KIF13A: variants seen among roughly 807,000 people sequenced by gnomAD.
KIF13A encodes the protein kinesin family member 13A.
In KIF13A, 79 loss-of-function variants were observed where a neutral mutation model predicts 212.2. The ratio of observed to expected loss-of-function variants is 0.37; its 90% CI spans 0.31 to 0.45. The LOEUF is 0.45. Ranked by LOEUF, KIF13A falls within the 20% of genes least tolerant of loss-of-function variation. KIF13A has a pLI of 1.00. For synonymous variants in KIF13A, 789 were observed against 808.6 expected (o/e 0.98, Z 0.41); for missense variants, 1,901 against 2,209.0 (o/e 0.86, Z 2.79).
intron 25 of KIF13A, among the ~76,000 whole-genome samples, chr6:17,790,226 G>A (rs2150318258): frequency 6.6e-6 from 1 of 152,148 alleles, no homozygotes; most frequent in East Asian, 1.9e-4. Context: ...ACAATAGCAA[G>A]ACCCCATCTG....
intron 2 of KIF13A, among the ~76,000 whole-genome samples, chr6:17,954,081 C>T (rs758719812): frequency 6.6e-6 from 1 of 152,008 alleles, no homozygotes; most frequent in African/African-American, 2.4e-5. Context: ...AGGCAGATCA[C>T]GAGGTCAGGA....
At chr6:17,804,227 G>A (rs758950249) in intron 20 of KIF13A, 134 bp downstream of exon 20, 7 of 636,618 alleles carry the variant, frequency 1.1e-5, no homozygotes, top group South Asian at 3.2e-5. Context: ...AGAGAAAAAA[G>A]AATGCAGACC....
rs554678825 is a variant in KIF13A, at chr6:17,961,314, G to A, written c.146+25740C>T. The stretch of plus-strand genomic sequence containing the variant: ...CCTGGAAAGGAGCTGGGATTCCAAA[G>A]GTGGAAGGTAGCAACTGATGTGGGA... On this transcript the variant is annotated intron_variant, in intron 2 of 38. Coordinates refer to ENST00000259711, the MANE Select transcript of KIF13A (RefSeq NM_022113.6). This position sits in a 1 kb window ranked among gnomAD's most constrained non-coding sequence, Gnocchi z 4.1. Among the ~76,000 whole-genome samples the A allele has an allele frequency of 2.0e-5, 3 of 152,298 alleles. No individual in the cohort carries two copies. The highest frequency in any genetic ancestry group is 4.1e-4 in the South Asian group (2 of 4,832).
At position 17,850,017 on chromosome 6, in the gene KIF13A, G is replaced by A. The variant is rs1236121920; in HGVS notation, c.717+306C>T. ...TTTCTTTTTTGTTTTTGTAGAGTCT[G>A]GGTGTTGCTATATTGTACAAGATGG... On this transcript the variant is annotated intron_variant, in intron 8 of 38. Transcript: ENST00000259711. This position sits in a 1 kb window ranked among gnomAD's most constrained non-coding sequence, Gnocchi z 6.2. 1.3e-5 allele frequency among the ~76,000 whole-genome samples: 2 copies of A among 152,134 alleles called. No individual in the cohort carries two copies. The highest frequency in any genetic ancestry group is 1.3e-4 in the Admixed American group (2 of 15,282).
At chr6:17,917,365 C>T (rs564896084) in intron 2 of KIF13A, among the ~76,000 whole-genome samples, 1 of 151,324 alleles carries the variant, frequency 6.6e-6, no homozygotes, top group African/African-American at 2.4e-5. Context: ...CTCAACCTCC[C>T]GAGAAGCTGG....
intron 2 of KIF13A, among the ~76,000 whole-genome samples, chr6:17,955,236 A>AC (rs1450438455): frequency 6.6e-6 from 1 of 152,248 alleles, no homozygotes; most frequent in Non-Finnish European, 1.5e-5. Flanking sequence ...CACAGGTGTT[A>AC]AAGTTACTCC....
Position 17,837,023 on chromosome 6 carries a change from T to C in KIF13A, c.1010A>G (p.Glu337Gly), listed in dbSNP as rs1766025868. Residue 337 changes from glutamate to glycine, a missense_variant, in exon 11 of 39, where the codon GAA (glutamate) becomes GGA (glycine). Glu to Gly is a moderately conservative substitution (Grantham distance 98). This residue lies in a region of KIF13A where 506 missense variants were observed against 637.4 expected (regional missense o/e 0.79). Transcript: ENST00000259711. This position sits in a 1 kb window ranked among gnomAD's most constrained non-coding sequence, Gnocchi z 5.4. ...ATISPAADNY[E>G]ETLSTLRYAD... ...ATATCTTAATGTGGAGAGGGTCTCT[T>C]CATAGTTGTCTGCGGCTGGGCTGAT... 6.2e-7 allele frequency: 1 copy of C among 1,613,994 alleles called. No individual in the cohort carries two copies. The highest frequency in any genetic ancestry group is 1.3e-5 in the African/African-American group (1 of 75,032).
intron 2 of KIF13A, among the ~76,000 whole-genome samples, chr6:17,949,212 G>A (rs924288280): frequency 3.3e-5 from 5 of 152,142 alleles, no homozygotes; most frequent in Admixed American, 6.5e-5. Context: ...ATCGTGCCCT[G>A]GTTTGTCAAA....
rs1779074572 is a variant in KIF13A at position 17,963,901 on chromosome 6, C to T, written c.146+23153G>A. Among the ~76,000 whole-genome samples, 1 of 152,170 alleles carries T rather than the reference C, an allele frequency of 6.6e-6. No homozygotes were observed. Among genetic ancestry groups the T allele is most frequent in the African/African-American group, 2.4e-5 (1 of 41,432 alleles). On this transcript the variant is annotated intron_variant, in intron 2 of 38. Coordinates refer to ENST00000259711, the MANE Select transcript of KIF13A (RefSeq NM_022113.6). The surrounding 1 kb of genome is among the most constrained non-coding windows in gnomAD (Gnocchi z 4.1). ...GTGATAGTGGTTAATCAGGCATATG[C>T]AACTGTAAAAACTCAAGAAAGTGTA...
At chr6:17,765,391 A>G (rs1177764964) in intron 38 of KIF13A, among the ~76,000 whole-genome samples, 1 of 152,234 alleles carries the variant, frequency 6.6e-6, no homozygotes, top group African/African-American at 2.4e-5. Context: ...CTTGGGAAGC[A>G]AAGTGCAGGC....
chr6:17,781,919 G>A (rs908156342), intron 29 of KIF13A, among the ~76,000 whole-genome samples: 4 of 151,638 alleles, frequency 2.6e-5, no homozygotes, highest in African/African-American at 2.4e-5. Context: ...TAAGCTCATC[G>A]TGCCCCACAG....
intron 2 of KIF13A, among the ~76,000 whole-genome samples, chr6:17,925,989 T>TA (rs1775466859): frequency 6.6e-6 from 1 of 152,128 alleles, no homozygotes; most frequent in African/African-American, 2.4e-5. Context: ...ACCCAACTCT[T>TA]AAAGAGAATC....
chr6:17,771,262 C>T lies in KIF13A; in HGVS notation c.4477-44G>A. 7.8e-7 allele frequency: 1 copy of T among 1,281,020 alleles called. No individual in the cohort carries two copies. The highest frequency in any genetic ancestry group is 1.1e-6 in the Non-Finnish European group (1 of 888,818). The allele number at this position is 1,281,020 out of a possible 1,614,324, so 79.4% of individuals were successfully genotyped here. On this transcript the variant is annotated intron_variant, in intron 37 of 38. Transcript: ENST00000259711. This position sits in a 1 kb window ranked among gnomAD's most constrained non-coding sequence, Gnocchi z 5.4. Reference sequence around the variant, plus strand: ...ACAGATGCATCACACACAAAGACGACAACGGCCAAAATACATATTAAGTAC... The same window carrying T: ...ACAGATGCATCACACACAAAGACGATAACGGCCAAAATACATATTAAGTAC...
intron 2 of KIF13A, among the ~76,000 whole-genome samples, chr6:17,964,668 A>AT (rs933386786): frequency 2.0e-5 from 3 of 151,540 alleles, no homozygotes; most frequent in Admixed American, 6.6e-5. Context: ...AGTTTAAAGA[A>AT]TTTTTTTTTG....
rs199854750 is a variant in KIF13A, at chr6:17,808,960, A to C, written c.2001-30T>G. The C allele has an allele frequency of 5.2e-4, 802 of 1,541,856 alleles. 2 individuals carry two copies. Among genetic ancestry groups the C allele is most frequent in the South Asian group, 1.1e-3 (90 of 81,536 alleles). On this transcript the variant is annotated intron_variant, in intron 17 of 38. Transcript: ENST00000259711. Reference sequence around the variant, plus strand: ...AGTGTCATAGAAAAGGGAACGAGAAAATCTAAAGGAAAACTGCAATCCCGT... The same window carrying C: ...AGTGTCATAGAAAAGGGAACGAGAACATCTAAAGGAAAACTGCAATCCCGT...
Position 17,850,267 on chromosome 6 carries a change from T to C in KIF13A, c.717+56A>G. 1.3e-6 allele frequency: 2 copies of C among 1,533,872 alleles called. No homozygotes were observed. The highest frequency in any genetic ancestry group is 1.8e-6 in the Non-Finnish European group (2 of 1,134,486). ...CCAACCATGAAAGACTTTACCTATATGGACACTTTCAGTTCTTCCACCCCC... is the reference window on the plus strand; with the variant it reads ...CCAACCATGAAAGACTTTACCTATACGGACACTTTCAGTTCTTCCACCCCC... On this transcript the variant is annotated intron_variant, in intron 8 of 38. Transcript: ENST00000259711. This position sits in a 1 kb window ranked among gnomAD's most constrained non-coding sequence, Gnocchi z 6.2.
chr6:17,904,793 C>T (rs555920924), intron 2 of KIF13A, among the ~76,000 whole-genome samples: 4 of 152,308 alleles, frequency 2.6e-5, no homozygotes, highest in East Asian at 1.9e-4. Flanking sequence ...TGCCCTACGA[C>T]GTGTGTGATC....
At chr6:17,977,560 A>G (rs1780683425) in intron 2 of KIF13A, among the ~76,000 whole-genome samples, 1 of 152,242 alleles carries the variant, frequency 6.6e-6, no homozygotes, top group Admixed American at 6.5e-5. Context: ...GAAAACTATG[A>G]CTATGACTAT....
Position 17,777,176 on chromosome 6 carries a change from A to C in KIF13A, c.4170+101T>G. 1.1e-6 allele frequency: 1 copy of C among 888,674 alleles called. No individual in the cohort carries two copies. The highest frequency in any genetic ancestry group is 1.4e-5 in the South Asian group (1 of 70,536). The allele number at this position is 888,674 out of a possible 1,614,324, so 55.0% of individuals were successfully genotyped here. Reference sequence around the variant, plus strand: ...GGCTACACTTTGGGATGCCCACACCAGTTCCATAAGCTCTACTGCCACTGT... The same window carrying C: ...GGCTACACTTTGGGATGCCCACACCCGTTCCATAAGCTCTACTGCCACTGT... On this transcript the variant is annotated intron_variant, in intron 34 of 38. Transcript: ENST00000259711. The surrounding 1 kb of genome is among the most constrained non-coding windows in gnomAD (Gnocchi z 4.4).
Sources: gnomAD v4.1 joint callset for allele counts (sites outside exome capture counted in the v4.1 genomes callset) on GRCh38, gnomAD v4.1.1 for gene constraint, gnomAD v4.1.1 regional missense constraint, Gnocchi (gnomAD v3.1) non-coding constraint, MANE v1.5 for transcripts, NCBI Gene and HGNC (gene_info 2026-07-23, HGNC 2026-07-21) for gene names.